KCNIP4: variants seen among roughly 807,000 people sequenced by gnomAD.
The protein encoded by KCNIP4 is potassium voltage-gated channel interacting protein 4.
Under a neutral mutation model 34.0 loss-of-function variants are expected in KCNIP4, and 12 were observed. The observed-to-expected ratio is 0.35, with a 90% confidence interval of 0.23 to 0.57. The LOEUF is 0.57. Ranked by LOEUF, KCNIP4 falls within the 20% of genes least tolerant of loss-of-function variation. KCNIP4 has a pLI of 0.83. For synonymous variants in KCNIP4, 124 were observed against 102.2 expected (o/e 1.21, Z -1.29); for missense variants, 238 against 311.7 (o/e 0.76, Z 1.78).
At chr4:21,235,536 AC>A (rs1759295189) in intron 1 of KCNIP4, among the ~76,000 whole-genome samples, 3 of 152,204 alleles carry the variant, frequency 2.0e-5, no homozygotes, top group Non-Finnish European at 4.4e-5. Context: ...TCCTCATCAA[AC>A]GTCCCTCCTC....
chr4:21,589,151 GGT>G (rs200800063), intron 1 of KCNIP4, among the ~76,000 whole-genome samples: 5 of 93,220 alleles, frequency 5.4e-5, no homozygotes, highest in Non-Finnish European at 1.1e-4. Context: ...CAAAAATGGA[GGT>G]GTGTATATAT....
intron 3 of KCNIP4, among the ~76,000 whole-genome samples, chr4:20,831,272 C>T (rs1362818575): frequency 2.0e-5 from 3 of 152,112 alleles, no homozygotes; most frequent in Non-Finnish European, 4.4e-5. Flanking sequence ...TCCATTTATG[C>T]ATAAGGAAAT....
intron 1 of KCNIP4, among the ~76,000 whole-genome samples, chr4:20,905,509 C>CTTTCTTTTTT (rs71655610): frequency 0.023 from 1,661 of 72,864 alleles, 58 homozygotes; most frequent in Non-Finnish European, 0.033. Flanking sequence ...CGTTTTCTTT[C>CTTTCTTTTTT]TTTTTTTTTT....
rs573036520 is a variant in KCNIP4 at position 21,788,849 on chromosome 4, C to T, written c.61+159722G>A. Among the ~76,000 whole-genome samples the T allele has an allele frequency of 7.9e-5, 12 of 151,938 alleles. No homozygotes were observed. In the East Asian group the frequency reaches 2.1e-3, roughly 27 times the overall value. On this transcript the variant is annotated intron_variant, in intron 1 of 8. Transcript: ENST00000382152. ...CACCACTTTGGGAGGCTGAGGTGGG[C>T]GGATCACGAGGTCAGGAGATCAAGA... is the stretch of plus-strand genomic sequence containing the variant.
intron 1 of KCNIP4, among the ~76,000 whole-genome samples, chr4:21,024,271 A>T (rs935268434): frequency 7.9e-5 from 12 of 152,212 alleles, no homozygotes; most frequent in Non-Finnish European, 1.2e-4. Context: ...ATCAATCAGT[A>T]GTAGCCACCA....
At chr4:20,956,891 T>C (rs1457141073) in intron 1 of KCNIP4, among the ~76,000 whole-genome samples, 2 of 152,160 alleles carry the variant, frequency 1.3e-5, no homozygotes, top group African/African-American at 4.8e-5. Flanking sequence ...ATAACACAAA[T>C]AACTGCTAGC....
At chr4:21,880,053 T>G (rs1726376464) in intron 1 of KCNIP4, among the ~76,000 whole-genome samples, 1 of 152,162 alleles carries the variant, frequency 6.6e-6, no homozygotes, top group Non-Finnish European at 1.5e-5. Context: ...TAAACCTCTT[T>G]CCTTTATAAA....
intron 1 of KCNIP4, among the ~76,000 whole-genome samples, chr4:21,503,646 A>G (rs1486362071): frequency 1.3e-5 from 2 of 152,206 alleles, no homozygotes; most frequent in Non-Finnish European, 1.5e-5. Flanking sequence ...ATGGAAGAAC[A>G]GAAAGCCCAC....
At chr4:21,636,929 A>G (rs539161917) in intron 1 of KCNIP4, among the ~76,000 whole-genome samples, 1 of 152,304 alleles carries the variant, frequency 6.6e-6, no homozygotes, top group Non-Finnish European at 1.5e-5. Flanking sequence ...GGCAGTCTTT[A>G]GGATATATCT....
At chr4:21,925,232 C>A (rs1480383829) in intron 1 of KCNIP4, among the ~76,000 whole-genome samples, 1 of 138,264 alleles carries the variant, frequency 7.2e-6, no homozygotes, top group Non-Finnish European at 1.5e-5. Context: ...ATCCCTTCCC[C>A]CTCCCCCCAC....
chr4:21,281,441 C>T (rs924464626), intron 1 of KCNIP4, among the ~76,000 whole-genome samples: 1 of 152,100 alleles, frequency 6.6e-6, no homozygotes, highest in Admixed American at 6.5e-5. Context: ...TAGACAGATA[C>T]ATAGGTGACA....
At chr4:20,913,613 G>GCTA (rs1728540049) in intron 1 of KCNIP4, among the ~76,000 whole-genome samples, 2 of 151,950 alleles carry the variant, frequency 1.3e-5, no homozygotes, top group South Asian at 4.2e-4. Flanking sequence ...TACTTCTAAG[G>GCTA]CTACTCCCAG....
chr4:21,199,120 A>T (rs935671503), intron 1 of KCNIP4, among the ~76,000 whole-genome samples: 9 of 152,126 alleles, frequency 5.9e-5, no homozygotes, highest in Admixed American at 4.6e-4. Flanking sequence ...ATGGTATTTC[A>T]AGTTCGAGAT....
intron 3 of KCNIP4, among the ~76,000 whole-genome samples, chr4:20,773,501 C>G (rs1433547008): frequency 6.6e-6 from 1 of 152,196 alleles, no homozygotes; most frequent in Non-Finnish European, 1.5e-5. Context: ...CAAGCTGGGG[C>G]AGAACGCTTC....
intron 1 of KCNIP4, among the ~76,000 whole-genome samples, chr4:21,787,983 GAA>G (rs5856669): frequency 4.7e-5 from 7 of 149,988 alleles, no homozygotes; most frequent in African/African-American, 9.8e-5. Flanking sequence ...TGAATAAAAA[GAA>G]AAAAAAAAAG....
intron 1 of KCNIP4, among the ~76,000 whole-genome samples, chr4:21,511,957 T>C (rs533473465): frequency 4.9e-4 from 73 of 148,180 alleles, no homozygotes; most frequent in African/African-American, 1.8e-3. Context: ...GTCGATACAA[T>C]TTTAATAGAG....
At chr4:21,187,382 T>G (rs1017209494) in intron 1 of KCNIP4, among the ~76,000 whole-genome samples, 4 of 152,176 alleles carry the variant, frequency 2.6e-5, no homozygotes, top group Non-Finnish European at 4.4e-5. Context: ...ATCATTAATG[T>G]TTATTAAGGG....
At chr4:21,724,008 C>T (rs1378326564) in intron 1 of KCNIP4, among the ~76,000 whole-genome samples, 1 of 152,032 alleles carries the variant, frequency 6.6e-6, no homozygotes, top group Non-Finnish European at 1.5e-5. Context: ...GCAGAAGACT[C>T]AGGGAAGATT....
intron 3 of KCNIP4, among the ~76,000 whole-genome samples, chr4:20,810,298 A>G (rs957019678): frequency 6.6e-6 from 1 of 152,084 alleles, no homozygotes; most frequent in Non-Finnish European, 1.5e-5. Flanking sequence ...GCATCCATTT[A>G]TGGGTCTGAT....
Sources: gnomAD v4.1 joint callset for allele counts (sites outside exome capture counted in the v4.1 genomes callset) on GRCh38, gnomAD v4.1.1 for gene constraint, MANE v1.5 for transcripts, NCBI Gene and HGNC (gene_info 2026-07-23, HGNC 2026-07-21) for gene names.